ITGA8: variants seen among roughly 807,000 people sequenced by gnomAD.
ITGA8 encodes the protein integrin alpha-8.
A neutral mutation model predicts 142.3 loss-of-function variants in ITGA8; 91 were observed. The observed-to-expected ratio is 0.64, with a 90% CI of 0.54 to 0.76. ITGA8 has a LOEUF of 0.76. Among genes scored for constraint, ITGA8 ranks in the 30% least tolerant of loss-of-function variants. The probability of loss-of-function intolerance (pLI) is 0.00; values close to 1 mark genes in which losing one functional copy is unlikely to be tolerated. For missense variants in ITGA8, 1,406 were observed against 1,327.7 expected, an observed-to-expected ratio of 1.06 and a Z score of -0.92; for synonymous variants, 505 against 485.2, an observed-to-expected ratio of 1.04 and a Z score of -0.54.
intron 2 of ITGA8, among the ~76,000 whole-genome samples, chr10:15,693,257 A>G (rs1164964030): frequency 6.6e-6 from 1 of 152,146 alleles, no homozygotes; most frequent in African/African-American, 2.4e-5. Context: ...TGTGGTTTGC[A>G]TTTTATTTTT....
intron 22 of ITGA8, 61 bp from the exon 23 acceptor site, chr10:15,586,725 A>T: frequency 2.1e-6 from 2 of 970,266 alleles, no homozygotes; most frequent in Non-Finnish European, 3.3e-6. Context: ...ACAATATATG[A>T]TCATAAAAAA....
Position 15,607,699 on chromosome 10 carries a change from T to A in ITGA8, c.1742A>T (p.Gln581Leu). The change falls in exon 17 of 30, where the codon CAG becomes CTG. Residue 581 changes from glutamine to leucine, a missense_variant. Transcript: ENST00000378076. ...VIKRQKSHQC[Q>L]DFIVYLRDET... ...TACTCGAAGGTAAACGATGAAATCC[T>A]GGCACTGGTGGGATTTCTGCCTTTT... The A allele has an allele frequency of 3.1e-6, 5 of 1,613,808 alleles. No homozygotes were observed. The highest frequency in any genetic ancestry group is 4.2e-6 in the Non-Finnish European group (5 of 1,179,750).
In ITGA8 at chr10:15,515,141, G is replaced by A. The variant is rs954383142; in HGVS notation, c.*2017C>T. ...GCATTACCTGGGGTCAGAGAGAGCTGTCTGGCATCGCTCACATCACATCCT... is the reference window on the plus strand; with the variant it reads ...GCATTACCTGGGGTCAGAGAGAGCTATCTGGCATCGCTCACATCACATCCT... On this transcript the variant is annotated 3_prime_UTR_variant, in exon 30 of 30. Coordinates refer to ENST00000378076, the MANE Select transcript of ITGA8 (RefSeq NM_003638.3). The A allele has an allele frequency of 6.6e-6, 1 of 152,212 alleles. No homozygotes were observed. The highest frequency in any genetic ancestry group is 6.6e-5 in the Admixed American group (1 of 15,264). The allele number at this position is 152,212 out of a possible 1,614,324, so 9.4% of individuals were successfully genotyped here.
At chr10:15,711,896 A>T (rs1374766389) in intron 2 of ITGA8, among the ~76,000 whole-genome samples, 2 of 152,250 alleles carry the variant, frequency 1.3e-5, no homozygotes, top group African/African-American at 4.8e-5. Flanking sequence ...CTGGCCTTTC[A>T]GCAGGGTTGA....
intron 13 of ITGA8, among the ~76,000 whole-genome samples, chr10:15,637,462 G>A (rs1360268066): frequency 2.0e-5 from 3 of 151,640 alleles, no homozygotes; most frequent in Admixed American, 2.0e-4. Flanking sequence ...TCTGAACTCA[G>A]GTAATCCGAT....
At chr10:15,617,159 G>A (rs9333143) in intron 13 of ITGA8, among the ~76,000 whole-genome samples, 1 of 152,110 alleles carries the variant, frequency 6.6e-6, no homozygotes, top group Non-Finnish European at 1.5e-5. Flanking sequence ...ATGCCAGGAG[G>A]CCTTTTAAAG....
intron 28 of ITGA8, among the ~76,000 whole-genome samples, chr10:15,529,630 T>C (rs1202110251): frequency 6.6e-6 from 1 of 152,202 alleles, no homozygotes. Context: ...AGCATGTATG[T>C]ATTTTTAAGT....
intron 2 of ITGA8, among the ~76,000 whole-genome samples, chr10:15,696,193 G>T (rs1483836915): frequency 6.6e-6 from 1 of 152,210 alleles, no homozygotes; most frequent in African/African-American, 2.4e-5. Flanking sequence ...AGTGGTTCCG[G>T]GAGAGGATGG....
At chr10:15,606,087 T>C (rs1833190155) in intron 18 of ITGA8, among the ~76,000 whole-genome samples, 198 bp downstream of exon 18, 1 of 152,190 alleles carries the variant, frequency 6.6e-6, no homozygotes, top group Non-Finnish European at 1.5e-5. Context: ...AATTAAATCT[T>C]GATTGCACAA....
chr10:15,556,193 A>AT (rs573720042), intron 26 of ITGA8, among the ~76,000 whole-genome samples: 22 of 150,228 alleles, frequency 1.5e-4, no homozygotes, highest in Admixed American at 4.6e-4. Flanking sequence ...CGCCCAGATA[A>AT]TTTTTTTTGT....
At chr10:15,600,504 C>T (rs1038090972) in intron 20 of ITGA8, among the ~76,000 whole-genome samples, 2 of 152,088 alleles carry the variant, frequency 1.3e-5, no homozygotes, top group Non-Finnish European at 2.9e-5. Flanking sequence ...CGTGTCATTA[C>T]AGGAATGGAA....
intron 25 of ITGA8, among the ~76,000 whole-genome samples, chr10:15,567,268 C>G (rs182970432): frequency 1.3e-5 from 2 of 152,224 alleles, no homozygotes; most frequent in East Asian, 3.9e-4. Flanking sequence ...AGATAACAGT[C>G]TGTGTGCAGG....
chr10:15,623,594 G>A (rs1447545160), intron 13 of ITGA8, among the ~76,000 whole-genome samples: 1 of 152,148 alleles, frequency 6.6e-6, no homozygotes, highest in Non-Finnish European at 1.5e-5. Context: ...GCTGAGGCAG[G>A]GGAATCGCTT....
chr10:15,685,618 A>G (rs1834820088), intron 3 of ITGA8, among the ~76,000 whole-genome samples: 4 of 152,222 alleles, frequency 2.6e-5, no homozygotes, highest in Admixed American at 1.3e-4. Flanking sequence ...TCAGAAACTG[A>G]TTTGATGCCT....
chr10:15,539,815 G>A (rs2131550497), intron 27 of ITGA8, among the ~76,000 whole-genome samples: 1 of 152,212 alleles, frequency 6.6e-6, no homozygotes, highest in Admixed American at 6.5e-5. Flanking sequence ...GATATGATTT[G>A]GCTGTGTCCC....
rs1442344497 is a variant in ITGA8 at position 15,668,091 on chromosome 10, T to A, written c.847+3512A>T. On this transcript the variant is annotated intron_variant, in intron 8 of 29. Coordinates refer to ENST00000378076, the MANE Select transcript of ITGA8 (RefSeq NM_003638.3). The stretch of plus-strand genomic sequence containing the variant: ...GGTATCCTTGTTAACTTTCTGTCTA[T>A]TTGATCTGTCTAATGTTGACAGGGG... Among the ~76,000 whole-genome samples, 3 of 151,878 alleles carry A rather than the reference T, an allele frequency of 2.0e-5. No individual in the cohort carries two copies. The East Asian group carries it at 5.8e-4, about 29-fold the overall frequency.
rs182477583 is a variant in ITGA8 at position 15,603,518 on chromosome 10, A to G, written c.2118+690T>C. On this transcript the variant is annotated intron_variant, in intron 20 of 29. Transcript: ENST00000378076. ...TGAGGGACTTTCTCTGTTATTCTACAATGTATTTTTAATAGTTTTCTAGAC... is the reference window on the plus strand; with the variant it reads ...TGAGGGACTTTCTCTGTTATTCTACGATGTATTTTTAATAGTTTTCTAGAC... Among the ~76,000 whole-genome samples, 467 of 152,304 alleles carry G rather than the reference A, an allele frequency of 3.1e-3. 1 individual carries two copies. The highest frequency in any genetic ancestry group is 6.8e-3 in the Middle Eastern group (2 of 294).
At chr10:15,586,432 CT>C in intron 23 of ITGA8, 151 bp downstream of exon 23, 1 of 544,366 alleles carries the variant, frequency 1.8e-6, no homozygotes, top group Non-Finnish European at 3.3e-6. Context: ...CAATGGAAGG[CT>C]AATAACGATC....
chr10:15,694,617 TTTTA>T lies in ITGA8; in HGVS notation c.344-6583_344-6580del, dbSNP rs1382922767. Among the ~76,000 whole-genome samples, 889 of 135,018 alleles carry T rather than the reference TTTTA, an allele frequency of 6.6e-3. 5 individuals carry two copies. Among genetic ancestry groups the T allele is most frequent in the East Asian group, 0.024 (117 of 4,826 alleles). 88.6% of individuals were successfully genotyped at this position (135,018 alleles called of 152,430 possible). A position where few individuals can be genotyped will look rare whatever the true frequency, so the allele number is the denominator to read the frequency against. On this transcript the variant is annotated intron_variant, in intron 2 of 29. Coordinates refer to ENST00000378076, the MANE Select transcript of ITGA8 (RefSeq NM_003638.3). ...ATGGATATATAATATAGTAAATATA[TTTTA>T]TTTATTAATATATTTATATAATATA...
Sources: gnomAD v4.1 joint callset for allele counts (sites outside exome capture counted in the v4.1 genomes callset) on GRCh38, gnomAD v4.1.1 for gene constraint, MANE v1.5 for transcripts, NCBI Gene and HGNC (gene_info 2026-07-23, HGNC 2026-07-21) for gene names.